HELZ: variants seen among roughly 807,000 people sequenced by gnomAD.
HELZ encodes ATP-dependent RNA helicase with zinc finger domain.
In HELZ, 23 loss-of-function variants were observed where a neutral mutation model predicts 218.2. The observed-to-expected ratio is 0.11, with a 90% CI of 0.08 to 0.15. The LOEUF (loss-of-function observed/expected upper bound fraction) is 0.15, where lower values mean the gene tolerates loss of function less well. Among genes scored for constraint, HELZ ranks in the 10% least tolerant of loss-of-function variants. The pLI is 1.00. For missense variants in HELZ, 1,813 were observed against 2,353.7 expected, an observed-to-expected ratio of 0.77 and a Z score of 4.75; for synonymous variants, 814 against 829.4, an observed-to-expected ratio of 0.98 and a Z score of 0.32.
chr17:67,118,731 G>A (rs2037507240), intron 27 of HELZ, among the ~76,000 whole-genome samples: 1 of 138,648 alleles, frequency 7.2e-6, no homozygotes, highest in Admixed American at 7.4e-5. Flanking sequence ...GCCATATCCT[G>A]GGAGAAAATA....
intron 27 of HELZ, chr17:67,119,964 T>C (rs570468391): frequency 7.4e-5 from 31 of 418,634 alleles, no homozygotes; most frequent in South Asian, 3.0e-4. Context: ...AGAGGATCCA[T>C]AGTTTATATG....
In HELZ at chr17:67,160,889, C is replaced by T. The variant is rs754696171; in HGVS notation, c.2075+8G>A. On this transcript the variant is annotated splice_region_variant and intron_variant, in intron 16 of 32. Coordinates refer to ENST00000358691, the MANE Select transcript of HELZ (RefSeq NM_014877.4). ...AGGGAAATATGAGCACGCTTCCCAC[C>T]CTCTCACCTAGTCTCCTGTTGCTGC... 3 of 1,587,340 alleles carry T rather than the reference C, an allele frequency of 1.9e-6. No homozygotes were observed. Among genetic ancestry groups the T allele is most frequent in the East Asian group, 2.3e-5 (1 of 44,082 alleles).
At chr17:67,144,774 G>C (rs1445660787) in intron 21 of HELZ, among the ~76,000 whole-genome samples, 1 of 152,078 alleles carries the variant, frequency 6.6e-6, no homozygotes, top group African/African-American at 2.4e-5. Context: ...TTCTAGGCCA[G>C]TGGTTTCCAA....
Position 67,178,754 on chromosome 17 carries a change from G to A in HELZ, c.1335C>T (p.Ser445=), listed in dbSNP as rs775226189. The A allele has an allele frequency of 1.3e-5, 21 of 1,613,658 alleles. No individual in the cohort carries two copies. Among genetic ancestry groups the A allele is most frequent in the East Asian group, 6.7e-5 (3 of 44,868 alleles). The change falls in exon 13 of 33, where the codon TCC becomes TCT. Residue 445 remains serine, a synonymous_variant. Coordinates refer to ENST00000358691, the MANE Select transcript of HELZ (RefSeq NM_014877.4). ...TCTTGGTCAATGATTTGTCTAAAACGGACTGAGTAAATAGCTGGTCAGCAG... is the reference window on the plus strand; with the variant it reads ...TCTTGGTCAATGATTTGTCTAAAACAGACTGAGTAAATAGCTGGTCAGCAG... ...PLSADQLFTQ[S]VLDKSLTKSN...
intron 27 of HELZ, among the ~76,000 whole-genome samples, chr17:67,119,154 T>G (rs2037520901): frequency 6.6e-6 from 1 of 152,078 alleles, no homozygotes; most frequent in Non-Finnish European, 1.5e-5. Context: ...GCAATCTCAC[T>G]CCCAGGTATT....
intron 15 of HELZ, among the ~76,000 whole-genome samples, chr17:67,165,991 C>T (rs2039131570): frequency 6.6e-6 from 1 of 151,968 alleles, no homozygotes; most frequent in Admixed American, 6.6e-5. Context: ...TTTTAATCAG[C>T]CAGACACAGT....
intron 31 of HELZ, among the ~76,000 whole-genome samples, chr17:67,105,121 C>A (rs7223516): frequency 0.78 from 118,274 of 152,106 alleles, 46,792 homozygotes; most frequent in East Asian, 0.98. Flanking sequence ...CGACTGAGTG[C>A]GACTCCGTGT....
chr17:67,116,881 G>A lies in HELZ; in HGVS notation c.3839-2478C>T, dbSNP rs577124268. Among the ~76,000 whole-genome samples the A allele has an allele frequency of 9.9e-5, 15 of 152,234 alleles. No individual in the cohort carries two copies. In the South Asian group the frequency reaches 3.1e-3, roughly 32 times the overall value. ...ATTTGTTTTTCTTTTTTCAAACAGA[G>A]TTTCGCTCTTGTTGCCCAGGCTGGA... On this transcript the variant is annotated intron_variant, in intron 27 of 32. Coordinates refer to ENST00000358691, the MANE Select transcript of HELZ (RefSeq NM_014877.4).
In HELZ at chr17:67,138,100, C is replaced by T. The variant is rs201187389; in HGVS notation, c.2784G>A (p.Val928=). Residue 928 remains valine (V), a synonymous_variant, in exon 22 of 33, where the codon GTG becomes GTA. Transcript: ENST00000358691. ...TCCTTCTTAACTCTTCTACACGTTC[C>T]ACCACTTCAAACACCTTTAAAAACA... ...FYNNAEVFEV[V]ERVEELRRKW... 7 of 1,611,174 alleles carry T rather than the reference C, an allele frequency of 4.3e-6. No individual in the cohort carries two copies. In the African/African-American group the frequency reaches 8.0e-5, roughly 18 times the overall value.
intron 31 of HELZ, among the ~76,000 whole-genome samples, chr17:67,097,944 T>C (rs13341038): frequency 0.085 from 12,978 of 152,238 alleles, 1,809 homozygotes; most frequent in African/African-American, 0.29. Context: ...ACATTTCTGA[T>C]ATTTGAGATC....
At chr17:67,149,754 T>A (rs1338802317) in intron 19 of HELZ, 113 bp downstream of exon 19, 5 of 574,524 alleles carry the variant, frequency 8.7e-6, no homozygotes, top group Non-Finnish European at 1.5e-5. Flanking sequence ...CTATTTGAAG[T>A]ACTAAAGTTA....
chr17:67,216,874 T>C (rs1018203916), intron 4 of HELZ, among the ~76,000 whole-genome samples: 9 of 149,134 alleles, frequency 6.0e-5, no homozygotes, highest in Non-Finnish European at 1.2e-4. Flanking sequence ...ACTTTCCCCT[T>C]TCCTCAGGGT....
At position 67,108,473 on chromosome 17, in the gene HELZ, T is replaced by C. The variant is rs753704132; in HGVS notation, c.4724+19A>G. 2.5e-6 allele frequency: 4 copies of C among 1,589,436 alleles called. No individual in the cohort carries two copies. Among genetic ancestry groups the C allele is most frequent in the Non-Finnish European group, 1.7e-6 (2 of 1,158,170 alleles). Reference sequence around the variant, plus strand: ...GAGGGGGTCGCATTCCAGGGGCTATTTTCAGTCCGCTGGAATACCTTGAGT... The same window carrying C: ...GAGGGGGTCGCATTCCAGGGGCTATCTTCAGTCCGCTGGAATACCTTGAGT... On this transcript the variant is annotated intron_variant, in intron 30 of 32. Coordinates refer to ENST00000358691, the MANE Select transcript of HELZ (RefSeq NM_014877.4). The surrounding 1 kb of genome is among the most constrained non-coding windows in gnomAD (Gnocchi z 4.1).
chr17:67,087,198 T>G (rs2036421315), intron 31 of HELZ, 117 bp from the exon 32 acceptor site: 5 of 950,306 alleles, frequency 5.3e-6, no homozygotes, highest in Non-Finnish European at 7.9e-6. Flanking sequence ...GAATATACTG[T>G]GACTGTGAAA....
intron 5 of HELZ, among the ~76,000 whole-genome samples, chr17:67,210,133 A>G (rs2143205682): frequency 6.6e-6 from 1 of 152,326 alleles, no homozygotes; most frequent in South Asian, 2.1e-4. Flanking sequence ...CTGAAGCAGG[A>G]GGATCACTTG....
At chr17:67,134,385 CA>C (rs750392717) in intron 23 of HELZ, among the ~76,000 whole-genome samples, 14,395 of 130,486 alleles carry the variant, frequency 0.11, 1,723 homozygotes, top group African/African-American at 0.31. Flanking sequence ...AACTCTGTCT[CA>C]AAAAAAAAAA....
intron 15 of HELZ, among the ~76,000 whole-genome samples, chr17:67,163,692 G>A (rs530860075): frequency 4.0e-5 from 6 of 151,374 alleles, no homozygotes; most frequent in South Asian, 4.2e-4. Flanking sequence ...GTGACCCACC[G>A]CACCCAACCT....
intron 17 of HELZ, among the ~76,000 whole-genome samples, chr17:67,156,141 C>T (rs961145838): frequency 4.6e-5 from 7 of 150,922 alleles, no homozygotes; most frequent in African/African-American, 1.5e-4. Context: ...AAAAACAAAA[C>T]ATTTTTTGCT....
At chr17:67,223,444 T>C (rs899686577) in intron 3 of HELZ, among the ~76,000 whole-genome samples, 3 of 151,632 alleles carry the variant, frequency 2.0e-5, no homozygotes, top group Non-Finnish European at 4.4e-5. Context: ...ACTCTTTCTC[T>C]TCCTGTTAAA....
Sources: gnomAD v4.1 joint callset for allele counts (sites outside exome capture counted in the v4.1 genomes callset) on GRCh38, gnomAD v4.1.1 for gene constraint, Gnocchi (gnomAD v3.1) non-coding constraint, MANE v1.5 for transcripts, NCBI Gene and HGNC (gene_info 2026-07-23, HGNC 2026-07-21) for gene names.